The following CSF2RA variants were observed in gnomAD, a reference collection of about 807,000 sequenced individuals.
CSF2RA encodes the protein granulocyte-macrophage colony-stimulating factor receptor subunit alpha.
Under a neutral mutation model 51.6 loss-of-function variants are expected in CSF2RA, and 42 were observed. That is an observed-to-expected ratio of 0.81 (90% CI 0.64 to 1.05). CSF2RA has a LOEUF of 1.05. Among genes scored for constraint, CSF2RA ranks in the 50% least tolerant of loss-of-function variants. CSF2RA has a pLI of 0.00. For missense variants in CSF2RA, 530 were observed against 501.1 expected (o/e 1.06, Z -0.55); for synonymous variants, 222 against 193.0 (o/e 1.15, Z -1.24).
At chrX:1,308,917 C>T (rs1453794689) in intron 12 of CSF2RA, among the ~76,000 whole-genome samples, 1 of 152,170 alleles carries the variant, frequency 6.6e-6, no homozygotes, top group Admixed American at 6.6e-5. Context: ...GTGGATCTGT[C>T]TCAGATCTTT....
At position 1,294,371 on chromosome X, in the gene CSF2RA, G is replaced by T; in HGVS notation, c.690G>T (p.Thr230=). ...PPSNVTVRCN[T]THCLVRWKQP... ...GCAATGTCACCGTACGTTGCAACACGACGCACTGCCTCGTACGGTGGAAAC... is the reference window on the plus strand; with the variant it reads ...GCAATGTCACCGTACGTTGCAACACTACGCACTGCCTCGTACGGTGGAAAC... Residue 230 remains threonine, a synonymous_variant, in exon 8 of 13, where the codon ACG becomes ACT. Transcript: ENST00000381529. 1 of 1,613,876 alleles carries T rather than the reference G, an allele frequency of 6.2e-7. No individual in the cohort carries two copies. Among genetic ancestry groups the T allele is most frequent in the Non-Finnish European group, 8.5e-7 (1 of 1,179,862 alleles).
Position 1,290,410 on chromosome X carries a change from C to T in CSF2RA, c.547C>T (p.Leu183=), listed in dbSNP as rs138354387. The T allele has an allele frequency of 7.4e-6, 12 of 1,613,496 alleles. No individual in the cohort carries two copies. The African/African-American group carries it at 1.3e-4, about 18-fold the overall frequency. ...CCATGTGGGATGTCACCTGGATAACCTGTCAGGATTAACGTCTCGCAATTA... is the reference window on the plus strand; with the variant it reads ...CCATGTGGGATGTCACCTGGATAACTTGTCAGGATTAACGTCTCGCAATTA... The part of the protein sequence containing the change: ...GTHVGCHLDN[L]SGLTSRNYFL... Residue 183 remains leucine (L), a synonymous_variant, in exon 7 of 13, where the codon CTG becomes TTG. Coordinates refer to ENST00000381529, the MANE Select transcript of CSF2RA (RefSeq NM_172245.4).
intron 10 of CSF2RA, among the ~76,000 whole-genome samples, chrX:1,301,093 C>T (rs2092335407): frequency 6.6e-6 from 1 of 151,038 alleles, no homozygotes; most frequent in Non-Finnish European, 1.5e-5. Context: ...GCGGAGGTTG[C>T]ACTGAGCTGG....
intron 10 of CSF2RA, among the ~76,000 whole-genome samples, 189 bp from the exon 11 acceptor site, chrX:1,303,734 A>G (rs1364188892): frequency 3.3e-5 from 5 of 152,146 alleles, no homozygotes; most frequent in African/African-American, 1.2e-4. Context: ...AACATAGGGC[A>G]GGCAGGTTGC....
chrX:1,302,066 G>A (rs759433812), intron 10 of CSF2RA, among the ~76,000 whole-genome samples: 17 of 150,618 alleles, frequency 1.1e-4, no homozygotes, highest in South Asian at 4.2e-4. Context: ...ACAGGCGCCC[G>A]CCACCACACC....
chrX:1,308,670 C>T (rs1409106895), intron 12 of CSF2RA, among the ~76,000 whole-genome samples: 1 of 152,134 alleles, frequency 6.6e-6, no homozygotes, highest in Non-Finnish European at 1.5e-5. Flanking sequence ...ACCTGGCCAT[C>T]TGTCATTCCA....
intron 10 of CSF2RA, among the ~76,000 whole-genome samples, chrX:1,303,652 A>G (rs181121512): frequency 3.9e-5 from 6 of 152,300 alleles, no homozygotes; most frequent in African/African-American, 1.2e-4. Context: ...CTGGGATGAC[A>G]GGCGTGAGCC....
In CSF2RA at chrX:1,303,924, T is replaced by C. The variant is rs1189489584; in HGVS notation, c.948T>C (p.Gly316=). Residue 316 remains glycine (G), a splice_region_variant and synonymous_variant, in exon 11 of 13, where the codon GGT becomes GGC. Coordinates refer to ENST00000381529, the MANE Select transcript of CSF2RA (RefSeq NM_172245.4). ...ACGCAAACCTGTGTGTCTCTCCAGG[T>C]TCTGACGACGGGAACCTCGGCTCTG... ...WSSWSEAIEF[G]SDDGNLGSVY... 1 of 1,613,284 alleles carries C rather than the reference T, an allele frequency of 6.2e-7. No homozygotes were observed. The highest frequency in any genetic ancestry group is 8.5e-7 in the Non-Finnish European group (1 of 1,179,516).
rs768179808 is a variant in CSF2RA at position 1,285,767 on chromosome X, G to A, written c.77-11G>A. 8.4e-5 allele frequency: 123 copies of A among 1,467,876 alleles called. No homozygotes were observed. Among genetic ancestry groups the A allele is most frequent in the Non-Finnish European group, 1.1e-4 (116 of 1,074,136 alleles). 90.9% of individuals were successfully genotyped at this position (1,467,876 alleles called of 1,614,324 possible). ...AGAGGAAATTCTGAACCCAGTGCCC[G>A]CTCCTTGCAGATCTGCGAACAGTGG... On this transcript the variant is annotated splice_polypyrimidine_tract_variant and intron_variant, in intron 3 of 12. Transcript: ENST00000381529.
At chrX:1,320,202 A>G in the CSF2RA span, among the ~76,000 whole-genome samples, 29,447 of 149,562 alleles carry the variant, frequency 0.2, 3,176 homozygotes, top group Admixed American at 0.25. Flanking sequence ...GCCTGTTTGT[A>G]TTTTTATTAG....
At position 1,309,501 on chromosome X, in the gene CSF2RA, G is replaced by C. The variant is rs2084026760; in HGVS notation, c.*22G>C. The C allele has an allele frequency of 1.2e-6, 2 of 1,613,984 alleles. No homozygotes were observed. Among genetic ancestry groups the C allele is most frequent in the South Asian group, 2.2e-5 (2 of 91,080 alleles). ...CTGAGACCCAGAGGGTGTAGGAATGGCATGGACATCTCCGCCTCCGCGACA... is the reference window on the plus strand; with the variant it reads ...CTGAGACCCAGAGGGTGTAGGAATGCCATGGACATCTCCGCCTCCGCGACA... On this transcript the variant is annotated 3_prime_UTR_variant, in exon 13 of 13. Transcript: ENST00000381529.
intron 1 of CSF2RA, among the ~76,000 whole-genome samples, chrX:1,269,547 C>T (rs1360374058): frequency 4.6e-5 from 7 of 151,346 alleles, no homozygotes; most frequent in East Asian, 2.0e-4. Context: ...CGTTTGAACC[C>T]GGGAGGCGGA....
intron 4 of CSF2RA, among the ~76,000 whole-genome samples, chrX:1,287,573 A>AGC (rs1405802215): frequency 6.8e-6 from 1 of 147,886 alleles, no homozygotes; most frequent in Non-Finnish European, 1.5e-5. Context: ...CCTCCTGAGT[A>AGC]GCTGGGATTA....
chrX:1,281,026 T>C (rs2089938407), intron 2 of CSF2RA, among the ~76,000 whole-genome samples: 1 of 86,234 alleles, frequency 1.2e-5, no homozygotes, highest in South Asian at 4.9e-4. Flanking sequence ...CTCCTCCTTC[T>C]CCTCCTCCTC....
intron 10 of CSF2RA, among the ~76,000 whole-genome samples, 169 bp downstream of exon 10, chrX:1,300,795 C>T (rs777089688): frequency 1.3e-5 from 2 of 152,198 alleles, no homozygotes; most frequent in East Asian, 3.9e-4. Flanking sequence ...GAGGTGGTCT[C>T]GTACTTGGTC....
At chrX:1,299,449 G>C (rs776645566) in intron 9 of CSF2RA, among the ~76,000 whole-genome samples, 1 of 152,096 alleles carries the variant, frequency 6.6e-6, no homozygotes, top group Non-Finnish European at 1.5e-5. Context: ...TTTTGAGACG[G>C]AGTCTCGCTC....
At chrX:1,308,795 C>T (rs1438376454) in intron 12 of CSF2RA, among the ~76,000 whole-genome samples, 1 of 152,168 alleles carries the variant, frequency 6.6e-6, no homozygotes, top group African/African-American at 2.4e-5. Context: ...CTTCCCTTCT[C>T]TGAGCTCCAT....
At chrX:1,282,572 A>G in intron 2 of CSF2RA, 106 bp from the exon 3 acceptor site, 1 of 835,956 alleles carries the variant, frequency 1.2e-6, no homozygotes, top group South Asian at 1.3e-5. Flanking sequence ...TCAGCGGCTG[A>G]CCACCATCCT....
chrX:1,301,152 CAA>C (rs1192104789), intron 10 of CSF2RA, among the ~76,000 whole-genome samples: 1 of 129,362 alleles, frequency 7.7e-6, no homozygotes. Flanking sequence ...GACTCCGTCT[CAA>C]AAAAAAAAAG....
Sources: gnomAD v4.1 joint callset for allele counts (sites outside exome capture counted in the v4.1 genomes callset) on GRCh38, gnomAD v4.1.1 for gene constraint, MANE v1.5 for transcripts, NCBI Gene and HGNC (gene_info 2026-07-23, HGNC 2026-07-21) for gene names.